The following SAMD12 variants were observed in gnomAD, a reference collection of about 807,000 sequenced individuals.
The protein encoded by SAMD12 is sterile alpha motif domain containing 12, also known as sterile alpha motif domain-containing protein 12.
SAMD12 carries 9 observed loss-of-function variants against 15.0 expected under a neutral mutation model. That is an observed-to-expected ratio of 0.60 (90% CI 0.36 to 1.05). The LOEUF (loss-of-function observed/expected upper bound fraction) is 1.05, where lower values mean the gene tolerates loss of function less well. SAMD12 is among the 50% of genes least tolerant of loss of function. The pLI, the probability that SAMD12 is intolerant of heterozygous loss-of-function variation, is 0.01. For synonymous variants in SAMD12, 86 were observed against 90.1 expected (o/e 0.96, Z 0.25); for missense variants, 230 against 234.2 (o/e 0.98, Z 0.12).
chr8:118,348,307 G>C lies in SAMD12; in HGVS notation c.433+31253C>G, dbSNP rs572156457. Among the ~76,000 whole-genome samples, 289 of 152,052 alleles carry C rather than the reference G, an allele frequency of 1.9e-3. 2 individuals carry two copies. The highest frequency in any genetic ancestry group is 6.4e-3 in the African/African-American group (267 of 41,482). On this transcript the variant is annotated intron_variant, in intron 4 of 4. Transcript: ENST00000409003. ...TGGTCTCGAACTGCTGGCCTCAAGT[G>C]ATCCACCTGCCTCGGCCTCCCAAAG... is the stretch of plus-strand genomic sequence containing the variant.
At chr8:118,191,623 T>C (rs1488484865) in exon 5 of SAMD12, 1 of 150,736 alleles carries the variant, frequency 6.6e-6, no homozygotes, top group Non-Finnish European at 1.5e-5. Flanking sequence ...AAACATAACC[T>C]TGGTCCTCTC....
intron 4 of SAMD12, among the ~76,000 whole-genome samples, chr8:118,207,095 A>T (rs1819881802): frequency 6.6e-6 from 1 of 152,194 alleles, no homozygotes; most frequent in Non-Finnish European, 1.5e-5. Context: ...TTGGTTTAGA[A>T]ATTTCAGTAT....
At chr8:118,475,557 G>C (rs1823935588) in intron 2 of SAMD12, among the ~76,000 whole-genome samples, 1 of 152,180 alleles carries the variant, frequency 6.6e-6, no homozygotes, top group Non-Finnish European at 1.5e-5. Context: ...TGCTTAAGAA[G>C]ATTGACTGGA....
intron 4 of SAMD12, among the ~76,000 whole-genome samples, chr8:118,206,661 C>A (rs576753496): frequency 6.6e-6 from 1 of 152,284 alleles, no homozygotes; most frequent in South Asian, 2.1e-4. Flanking sequence ...ATCACTGATG[C>A]GCTGTCTCTA....
chr8:118,469,225 G>A (rs113058241), intron 2 of SAMD12, among the ~76,000 whole-genome samples: 4,857 of 151,348 alleles, frequency 0.032, 264 homozygotes, highest in African/African-American at 0.11. Flanking sequence ...CTTATCCATG[G>A]AAGAGGACAA....
intron 4 of SAMD12, among the ~76,000 whole-genome samples, chr8:118,293,019 T>G (rs1814498879): frequency 6.6e-6 from 1 of 151,900 alleles, no homozygotes; most frequent in South Asian, 2.1e-4. Flanking sequence ...ACCTGCACAA[T>G]GTGCACATGT....
At chr8:118,295,733 C>T (rs936958741) in intron 4 of SAMD12, 1 of 151,382 alleles carries the variant, frequency 6.6e-6, no homozygotes, top group Non-Finnish European at 1.5e-5. Flanking sequence ...TACTGCAGTC[C>T]CAACCTCCTG....
chr8:118,559,626 C>A (rs1353971885), intron 2 of SAMD12, among the ~76,000 whole-genome samples: 1 of 152,182 alleles, frequency 6.6e-6, no homozygotes, highest in Non-Finnish European at 1.5e-5. Flanking sequence ...ACATATGTGA[C>A]ATGCACTTGG....
the SAMD12 span, among the ~76,000 whole-genome samples, chr8:118,162,558 T>C: frequency 6.6e-6 from 1 of 151,882 alleles, no homozygotes; most frequent in Non-Finnish European, 1.5e-5. Context: ...TCCTGATGAC[T>C]TATTCAGGTA....
intron 4 of SAMD12, among the ~76,000 whole-genome samples, chr8:118,363,628 T>C (rs906946484): frequency 3.3e-5 from 5 of 152,328 alleles, no homozygotes; most frequent in Admixed American, 6.5e-5. Context: ...TTAGCTTTCA[T>C]TGGTCTCCAG....
intron 2 of SAMD12, among the ~76,000 whole-genome samples, chr8:118,539,916 G>C (rs1825943723): frequency 6.6e-6 from 1 of 151,360 alleles, no homozygotes; most frequent in South Asian, 2.1e-4. Context: ...TGACTTTCTG[G>C]TTGAGATGAT....
At chr8:118,339,964 A>T (rs1180609550) in intron 4 of SAMD12, among the ~76,000 whole-genome samples, 3 of 152,236 alleles carry the variant, frequency 2.0e-5, no homozygotes, top group Non-Finnish European at 4.4e-5. Flanking sequence ...GCCTGTGTTC[A>T]ATAGACTGTG....
At chr8:118,454,178 A>G (rs1367653562) in intron 2 of SAMD12, among the ~76,000 whole-genome samples, 1 of 152,218 alleles carries the variant, frequency 6.6e-6, no homozygotes, top group Non-Finnish European at 1.5e-5. Context: ...TGTCAGAAAA[A>G]GTCTTTATTC....
chr8:118,450,072 C>T (rs1823033771), intron 2 of SAMD12, among the ~76,000 whole-genome samples: 1 of 152,142 alleles, frequency 6.6e-6, no homozygotes, highest in African/African-American at 2.4e-5. Context: ...TACAGTGCAG[C>T]TTCCCCAGGC....
intron 3 of SAMD12, among the ~76,000 whole-genome samples, chr8:118,399,548 G>A (rs923472355): frequency 3.9e-5 from 6 of 152,220 alleles, no homozygotes; most frequent in African/African-American, 1.2e-4. Flanking sequence ...CCTGCCCCAG[G>A]TACCCTAGTT....
intron 2 of SAMD12, among the ~76,000 whole-genome samples, chr8:118,460,786 C>T (rs1269945323): frequency 2.0e-5 from 3 of 152,146 alleles, no homozygotes; most frequent in Non-Finnish European, 4.4e-5. Context: ...AGGCTGCCCA[C>T]ATGCACACAC....
chr8:118,339,879 C>G (rs1486855649), intron 4 of SAMD12, among the ~76,000 whole-genome samples: 1 of 152,190 alleles, frequency 6.6e-6, no homozygotes, highest in Non-Finnish European at 1.5e-5. Flanking sequence ...TGAACAGAGG[C>G]CAAGCACAGA....
chr8:118,428,359 G>T (rs1586708198), intron 3 of SAMD12, among the ~76,000 whole-genome samples: 1 of 151,048 alleles, frequency 6.6e-6, no homozygotes, highest in East Asian at 1.9e-4. Context: ...TGTGCCAAGA[G>T]CTCAAGTCCA....
chr8:118,559,133 A>C (rs1018729942), intron 2 of SAMD12, among the ~76,000 whole-genome samples: 1 of 152,246 alleles, frequency 6.6e-6, no homozygotes, highest in Non-Finnish European at 1.5e-5. Flanking sequence ...ACACAAATTT[A>C]GGAATTATTC....
Sources: gnomAD v4.1 joint callset for allele counts (sites outside exome capture counted in the v4.1 genomes callset) on GRCh38, gnomAD v4.1.1 for gene constraint, MANE v1.5 for transcripts, NCBI Gene and HGNC (gene_info 2026-07-23, HGNC 2026-07-21) for gene names.